Variants in CHD7 observed in about 807,000 individuals in gnomAD.
CHD7 encodes ATP-dependent chromatin remodeler CHD7.
In CHD7, 24 loss-of-function variants were observed where a neutral mutation model predicts 307.3. The observed-to-expected ratio is 0.08, with a 90% confidence interval of 0.06 to 0.11. The LOEUF (loss-of-function observed/expected upper bound fraction) is 0.11. CHD7 is among the 10% of genes least tolerant of loss of function. The pLI is 1.00. For synonymous variants in CHD7, 1,363 were observed against 1,349.9 expected (o/e 1.01, Z -0.21); for missense variants, 3,106 against 3,727.1 (o/e 0.83, Z 4.34).
At chr8:60,795,212 A>C in intron 4 of CHD7, 85 bp downstream of exon 4, 2 of 1,260,798 alleles carry the variant, frequency 1.6e-6, no homozygotes, top group Non-Finnish European at 2.2e-6. Flanking sequence ...GACCTCCCCT[A>C]TCTTGTTATA....
chr8:60,810,015 G>A (rs866179972), intron 7 of CHD7, among the ~76,000 whole-genome samples: 1 of 152,124 alleles, frequency 6.6e-6, no homozygotes, highest in Non-Finnish European at 1.5e-5. Flanking sequence ...ATAGCTGAGC[G>A]GACTTGTGGC....
At chr8:60,740,520 A>C (rs1219622237) in intron 1 of CHD7, among the ~76,000 whole-genome samples, 1 of 152,214 alleles carries the variant, frequency 6.6e-6, no homozygotes, top group Non-Finnish European at 1.5e-5. Context: ...CCATGAGTGA[A>C]ATTGGTCGTC....
intron 1 of CHD7, among the ~76,000 whole-genome samples, chr8:60,680,690 T>C (rs1216249450): frequency 6.6e-6 from 1 of 152,176 alleles, no homozygotes; most frequent in Non-Finnish European, 1.5e-5. Context: ...CACGCCTTGG[T>C]TTAAACTAGT....
At position 60,862,564 on chromosome 8, in the gene CHD7, C is replaced by T. The variant is rs1305494953; in HGVS notation, c.7988C>T (p.Ala2663Val). The T allele has an allele frequency of 3.8e-6, 6 of 1,573,128 alleles. No homozygotes were observed. Among genetic ancestry groups the T allele is most frequent in the South Asian group, 1.2e-5 (1 of 85,514 alleles). Residue 2663 changes from alanine to valine, a missense_variant, in exon 37 of 38, where the codon GCG (alanine) becomes GTG (valine). Transcript: ENST00000423902. ...RNGKKMGGAM[A>V]PPMKDLPRWL... ...TCTACCCAGATGGGTGGAGCTATGGCGCCTCCAATGAAGGATCTACCCAGG... is the reference window on the plus strand; with the variant it reads ...TCTACCCAGATGGGTGGAGCTATGGTGCCTCCAATGAAGGATCTACCCAGG...
At chr8:60,788,509 C>T (rs774669821) in intron 3 of CHD7, among the ~76,000 whole-genome samples, 1 of 152,158 alleles carries the variant, frequency 6.6e-6, no homozygotes, top group East Asian at 1.9e-4. Flanking sequence ...ATTTATTGTC[C>T]ATCAGTAAAA....
chr8:60,746,316 A>C (rs550233370), intron 2 of CHD7, among the ~76,000 whole-genome samples: 1 of 152,376 alleles, frequency 6.6e-6, no homozygotes, highest in East Asian at 1.9e-4. Context: ...GATTTGTGCA[A>C]ATATTATCCC....
intron 1 of CHD7, among the ~76,000 whole-genome samples, chr8:60,687,105 T>C (rs548337107): frequency 1.3e-5 from 2 of 152,360 alleles, no homozygotes; most frequent in East Asian, 3.9e-4. Flanking sequence ...GAAATCTGTC[T>C]GTTGATATTT....
At chr8:60,680,621 G>T (rs1165131970) in intron 1 of CHD7, among the ~76,000 whole-genome samples, 1 of 152,190 alleles carries the variant, frequency 6.6e-6, no homozygotes, top group Non-Finnish European at 1.5e-5. Context: ...CGAGCGGCGC[G>T]GAGAGTGCTC....
chr8:60,821,691 T>C, intron 9 of CHD7, 99 bp from the exon 10 acceptor site: 4 of 985,308 alleles, frequency 4.1e-6, no homozygotes, highest in Non-Finnish European at 5.8e-6. Context: ...TATACACACA[T>C]ACATATCTAT....
intron 1 of CHD7, among the ~76,000 whole-genome samples, chr8:60,686,932 A>G (rs977668570): frequency 3.3e-5 from 5 of 152,118 alleles, no homozygotes; most frequent in Non-Finnish European, 7.4e-5. Flanking sequence ...CAAACATTTT[A>G]TTTGTTATCC....
chr8:60,854,063 CTT>C (rs1805597195), intron 31 of CHD7, among the ~76,000 whole-genome samples: 1 of 152,178 alleles, frequency 6.6e-6, no homozygotes, highest in African/African-American at 2.4e-5. Flanking sequence ...AACATAGACT[CTT>C]GAGTCAATGA....
At position 60,781,248 on chromosome 8, in the gene CHD7, A is replaced by G. The variant is rs777624090; in HGVS notation, c.1914A>G (p.Gln638=). 9.5e-6 allele frequency: 15 copies of G among 1,573,154 alleles called. No individual in the cohort carries two copies. The highest frequency in any genetic ancestry group is 1.9e-5 in the Admixed American group (1 of 52,788). ...ATAGGAACTCACTGGATGGGTCCCA[A>G]GAAGAAAAAAAGAAAAAGAAAAGGT... ...ELNRNSLDGS[Q]EEKKKKKRSK... The change falls in exon 3 of 38, where the codon CAA becomes CAG. Residue 638 remains glutamine (Q), a synonymous_variant. Transcript: ENST00000423902.
Position 60,852,152 on chromosome 8 carries a change from C to A in CHD7, c.5799C>A (p.Ala1933=), listed in dbSNP as rs759220977. The A allele has an allele frequency of 6.2e-7, 1 of 1,613,964 alleles. No homozygotes were observed. The highest frequency in any genetic ancestry group is 1.1e-5 in the South Asian group (1 of 91,084). ...SYKRQQMRQE[A]LMKTDRRRRR... ...AAAGGCAACAGATGAGGCAAGAGGCCCTAATGAAGACTGACCGGCGCAGAC... is the reference window on the plus strand; with the variant it reads ...AAAGGCAACAGATGAGGCAAGAGGCACTAATGAAGACTGACCGGCGCAGAC... Residue 1933 remains alanine, a synonymous_variant, in exon 29 of 38, where the codon GCC becomes GCA. Coordinates refer to ENST00000423902, the MANE Select transcript of CHD7 (RefSeq NM_017780.4).
At position 60,844,877 on chromosome 8, in the gene CHD7, A is replaced by G; in HGVS notation, c.4864A>G (p.Thr1622Ala). Residue 1622 changes from threonine to alanine, a missense_variant, in exon 22 of 38, where the codon ACA becomes GCA. Physicochemically the swap from Thr to Ala is moderately conservative, Grantham distance 58. This residue lies in a region of CHD7 where 122 missense variants were observed against 124.5 expected (regional missense o/e 0.98). Transcript: ENST00000423902. ...NLLVYGWGRW[T>A]DILSHGRYKR... is the part of the protein sequence containing the mutation. ...TTTGCTTTGCAGTTGGGGACGGTGG[A>G]CAGACATTCTTTCCCACGGACGCTA... 1 of 1,600,980 alleles carries G rather than the reference A, an allele frequency of 6.2e-7. No individual in the cohort carries two copies. Among genetic ancestry groups the G allele is most frequent in the Non-Finnish European group, 8.5e-7 (1 of 1,171,164 alleles).
chr8:60,796,402 T>G (rs187358556), intron 4 of CHD7, among the ~76,000 whole-genome samples: 2 of 152,194 alleles, frequency 1.3e-5, no homozygotes, highest in Non-Finnish European at 2.9e-5. Flanking sequence ...TGATTTTGAG[T>G]TTTATTTTTA....
At chr8:60,699,049 C>G (rs1242815055) in intron 1 of CHD7, among the ~76,000 whole-genome samples, 1 of 152,162 alleles carries the variant, frequency 6.6e-6, no homozygotes, top group African/African-American at 2.4e-5. Context: ...CTGGCTGACT[C>G]TGGAGCTTTC....
rs1156366893 is a variant in CHD7 at position 60,781,070 on chromosome 8, A to C, written c.1736A>C (p.Gln579Pro). ...ACTCAGGTTAGTGGACCGAATGCTC[A>C]GCTAGTGAAGAGTGATGATTACCTG... ...DMTQVSGPNA[Q>P]LVKSDDYLPS... The change falls in exon 3 of 38, where the codon CAG becomes CCG. Residue 579 changes from glutamine to proline, a missense_variant. Coordinates refer to ENST00000423902, the MANE Select transcript of CHD7 (RefSeq NM_017780.4). 3 of 1,610,548 alleles carry C rather than the reference A, an allele frequency of 1.9e-6. No individual in the cohort carries two copies.
chr8:60,857,292 G>A (rs543569771), intron 34 of CHD7, among the ~76,000 whole-genome samples: 2 of 152,148 alleles, frequency 1.3e-5, no homozygotes, highest in Non-Finnish European at 2.9e-5. Context: ...AACATAAAAA[G>A]CTAGTGACTG....
chr8:60,788,341 G>A (rs903276925), intron 3 of CHD7, among the ~76,000 whole-genome samples: 8 of 151,630 alleles, frequency 5.3e-5, no homozygotes, highest in East Asian at 1.9e-4. Flanking sequence ...AGGTTTTGTC[G>A]TGTTACCCAG....
Sources: gnomAD v4.1 joint callset for allele counts (sites outside exome capture counted in the v4.1 genomes callset) on GRCh38, gnomAD v4.1.1 for gene constraint, gnomAD v4.1.1 regional missense constraint, MANE v1.5 for transcripts, NCBI Gene and HGNC (gene_info 2026-07-23, HGNC 2026-07-21) for gene names.